HDAC9: variants seen among roughly 807,000 people sequenced by gnomAD.
HDAC9 encodes MEF-2 interacting transcription repressor (MITR) protein.
HDAC9 carries 41 observed loss-of-function variants against 139.4 expected under a neutral mutation model. The ratio of observed to expected loss-of-function variants is 0.29; its 90% CI spans 0.23 to 0.38. HDAC9 has a LOEUF of 0.38. Ranked by LOEUF, HDAC9 falls within the 10% of genes least tolerant of loss-of-function variation. The pLI, the probability that HDAC9 is intolerant of heterozygous loss-of-function variation, is 1.00. For missense variants in HDAC9, 1,147 were observed against 1,297.0 expected, an observed-to-expected ratio of 0.88 and a Z score of 1.78; for synonymous variants, 517 against 476.2, an observed-to-expected ratio of 1.09 and a Z score of -1.12.
Position 18,975,838 on chromosome 7 carries a change from G to C in HDAC9, c.3055G>C (p.Val1019Leu), listed in dbSNP as rs755536921. ...KYWKSVRMVA[V>L]PRGCALAGAQ... ...TTGGAAGTCAGTAAGGATGGTGGCTGTGCCAAGGGGCTGTGCTCTGGCTGG... is the reference window on the plus strand; with the variant it reads ...TTGGAAGTCAGTAAGGATGGTGGCTCTGCCAAGGGGCTGTGCTCTGGCTGG... Residue 1019 changes from valine (V) to leucine (L), a missense_variant, in exon 25 of 26, where the codon GTG becomes CTG. By Grantham distance (32) the Val-to-Leu change is conservative. Around this residue, in one of 7 missense-constraint regions of HDAC9, gnomAD observed 407 missense variants for 521.5 expected, o/e 0.78. Coordinates refer to ENST00000686413, the MANE Select transcript of HDAC9 (RefSeq NM_178425.4). 2 of 1,613,878 alleles carry C rather than the reference G, an allele frequency of 1.2e-6. No individual in the cohort carries two copies. Among genetic ancestry groups the C allele is most frequent in the African/African-American group, 1.3e-5 (1 of 75,040 alleles).
At chr7:18,207,539 C>CTTGTTTTTTTTTTTTTT (rs1791615394) in intron 2 of HDAC9, among the ~76,000 whole-genome samples, 5 of 53,738 alleles carry the variant, frequency 9.3e-5, no homozygotes, top group Non-Finnish European at 1.3e-4. Context: ...CCCAAGGAGT[C>CTTGTTTTTTTTTTTTTT]TTTTTTTTTT....
At chr7:18,393,303 A>G (rs1276256007) in intron 1 of HDAC9, among the ~76,000 whole-genome samples, 1 of 152,122 alleles carries the variant, frequency 6.6e-6, no homozygotes, top group African/African-American at 2.4e-5. Flanking sequence ...AGAATTAGGA[A>G]AAATGTATTT....
intron 12 of HDAC9, among the ~76,000 whole-genome samples, chr7:18,726,138 A>G (rs1414061543): frequency 3.3e-5 from 5 of 152,244 alleles, no homozygotes; most frequent in Admixed American, 6.5e-5. Context: ...ATAGATTTAT[A>G]TGCAGCATTA....
chr7:18,607,258 T>A (rs1835780389), intron 6 of HDAC9, among the ~76,000 whole-genome samples: 1 of 152,190 alleles, frequency 6.6e-6, no homozygotes, highest in East Asian at 1.9e-4. Context: ...TGTAAGAACT[T>A]CGAAAATCTA....
intron 1 of HDAC9, among the ~76,000 whole-genome samples, chr7:18,155,517 G>C (rs954731962): frequency 6.6e-6 from 1 of 152,112 alleles, no homozygotes; most frequent in Admixed American, 6.6e-5. Context: ...TATATTTATA[G>C]TATAGACTAC....
intron 1 of HDAC9, among the ~76,000 whole-genome samples, chr7:18,349,170 T>C (rs1281214158): frequency 6.6e-6 from 1 of 152,060 alleles, no homozygotes; most frequent in Non-Finnish European, 1.5e-5. Context: ...CACTGCACCG[T>C]ATGTCTTTCA....
At chr7:18,238,700 G>T (rs1793990704) in intron 2 of HDAC9, among the ~76,000 whole-genome samples, 1 of 152,150 alleles carries the variant, frequency 6.6e-6, no homozygotes, top group African/African-American at 2.4e-5. Context: ...AGAAAACCCT[G>T]GGAAGCCAGG....
chr7:18,703,821 G>A (rs1013327320), intron 12 of HDAC9, among the ~76,000 whole-genome samples: 1 of 151,774 alleles, frequency 6.6e-6, no homozygotes, highest in African/African-American at 2.4e-5. Flanking sequence ...CCTCCAGGCA[G>A]AACTATGCAA....
At chr7:18,279,518 C>T (rs1437960067) in intron 2 of HDAC9, among the ~76,000 whole-genome samples, 10 of 151,464 alleles carry the variant, frequency 6.6e-5, no homozygotes, top group Admixed American at 2.6e-4. Context: ...GGCTGGAGTG[C>T]GCAGTGGCGT....
At chr7:18,925,127 C>T (rs1016333086) in intron 22 of HDAC9, among the ~76,000 whole-genome samples, 9 of 152,032 alleles carry the variant, frequency 5.9e-5, no homozygotes, top group Middle Eastern at 3.2e-3. Context: ...CAGTCATTAA[C>T]GTTTGAGGAT....
At chr7:18,514,151 G>C (rs767277493) in intron 2 of HDAC9, among the ~76,000 whole-genome samples, 82 of 152,076 alleles carry the variant, frequency 5.4e-4, no homozygotes, top group Non-Finnish European at 2.9e-5. Flanking sequence ...GTGTATATGC[G>C]TTGTATGTGT....
intron 25 of HDAC9, among the ~76,000 whole-genome samples, chr7:18,984,621 T>C (rs971595150): frequency 1.6e-4 from 24 of 152,028 alleles, no homozygotes; most frequent in African/African-American, 5.8e-4. Flanking sequence ...CTAGTGTAGA[T>C]AAATTGTTGA....
At chr7:18,735,549 G>A (rs1786804642) in intron 13 of HDAC9, among the ~76,000 whole-genome samples, 1 of 152,096 alleles carries the variant, frequency 6.6e-6, no homozygotes, top group East Asian at 1.9e-4. Context: ...GTTTGTAGAT[G>A]TGTGGTGTTA....
intron 6 of HDAC9, among the ~76,000 whole-genome samples, chr7:18,597,435 A>G (rs1832806340): frequency 6.6e-6 from 1 of 152,196 alleles, no homozygotes; most frequent in Admixed American, 6.6e-5. Flanking sequence ...TTGGCTGAAA[A>G]TAGTATCATT....
At chr7:18,156,722 T>G (rs1452485346) in intron 1 of HDAC9, among the ~76,000 whole-genome samples, 1 of 152,130 alleles carries the variant, frequency 6.6e-6, no homozygotes, top group Non-Finnish European at 1.5e-5. Context: ...CTAACATATG[T>G]GATGTTATTA....
At chr7:18,589,182 T>C (rs767319482) in intron 3 of HDAC9, among the ~76,000 whole-genome samples, 13 of 152,146 alleles carry the variant, frequency 8.5e-5, no homozygotes, top group African/African-American at 2.7e-4. Flanking sequence ...TTCATAGATA[T>C]ATATTTCTCA....
At chr7:18,487,243 CT>C (rs1217429201) in intron 1 of HDAC9, among the ~76,000 whole-genome samples, 1 of 151,968 alleles carries the variant, frequency 6.6e-6, no homozygotes, top group Non-Finnish European at 1.5e-5. Context: ...TTGTAGTAAT[CT>C]TGAGGCAAAA....
intron 12 of HDAC9, among the ~76,000 whole-genome samples, chr7:18,720,207 T>C (rs1311148636): frequency 6.6e-6 from 1 of 152,108 alleles, no homozygotes; most frequent in African/African-American, 2.4e-5. Flanking sequence ...TATATTTTAA[T>C]TTAAAAATTA....
At chr7:18,117,440 C>T (rs373069177) in intron 1 of HDAC9, among the ~76,000 whole-genome samples, 436 of 150,920 alleles carry the variant, frequency 2.9e-3, no homozygotes, top group African/African-American at 0.01. Flanking sequence ...GAGCCGAGAT[C>T]GCGCCACTGC....
Sources: allele counts gnomAD v4.1 joint callset (sites outside exome capture counted in the v4.1 genomes callset), GRCh38; gene constraint gnomAD v4.1.1; regional missense constraint gnomAD v4.1.1; transcripts MANE v1.5; gene names NCBI Gene and HGNC (gene_info 2026-07-23, HGNC 2026-07-21).